PDZRN4: variants seen among roughly 807,000 people sequenced by gnomAD.
The protein encoded by PDZRN4 is PDZ domain containing ring finger 4.
Under a neutral mutation model 99.0 loss-of-function variants are expected in PDZRN4, and 70 were observed. The ratio of observed to expected loss-of-function variants is 0.71; its 90% CI spans 0.58 to 0.86. The LOEUF (loss-of-function observed/expected upper bound fraction) is 0.86. Ranked by LOEUF, PDZRN4 falls within the 40% of genes least tolerant of loss-of-function variation. The pLI is 0.00. For synonymous variants in PDZRN4, 551 were observed against 501.6 expected (o/e 1.10, Z -1.32); for missense variants, 1,474 against 1,331.2 (o/e 1.11, Z -1.67).
intron 3 of PDZRN4, among the ~76,000 whole-genome samples, chr12:41,466,090 C>G (rs898029403): frequency 6.6e-6 from 1 of 152,112 alleles, no homozygotes; most frequent in Non-Finnish European, 1.5e-5. Context: ...TAGCCAGGAT[C>G]TTTAATAAGC....
At chr12:41,389,958 A>G (rs141506071) in intron 3 of PDZRN4, among the ~76,000 whole-genome samples, 2 of 152,214 alleles carry the variant, frequency 1.3e-5, no homozygotes, top group Non-Finnish European at 2.9e-5. Context: ...GGATTTCAGT[A>G]GCCTCTTAGG....
intron 3 of PDZRN4, 23 bp downstream of exon 3, chr12:41,194,211 A>G (rs1233017320): frequency 4.0e-6 from 4 of 1,003,260 alleles, no homozygotes; most frequent in African/African-American, 1.6e-5. Flanking sequence ...TAAAACATGT[A>G]TATGATCCAT....
chr12:41,368,837 T>C (rs916520627), intron 3 of PDZRN4, among the ~76,000 whole-genome samples: 1 of 152,108 alleles, frequency 6.6e-6, no homozygotes, highest in Admixed American at 6.6e-5. Context: ...GGGATGGTGG[T>C]CAGTGGCTGC....
chr12:41,278,743 CACA>C (rs995068344), intron 3 of PDZRN4, among the ~76,000 whole-genome samples: 1 of 152,172 alleles, frequency 6.6e-6, no homozygotes, highest in Non-Finnish European at 1.5e-5. Context: ...AATGCTACAT[CACA>C]ACAACTGTTC....
At chr12:41,561,549 A>G (rs1033321123) in intron 7 of PDZRN4, among the ~76,000 whole-genome samples, 3 of 146,282 alleles carry the variant, frequency 2.1e-5, no homozygotes, top group Non-Finnish European at 4.5e-5. Flanking sequence ...ATTTAGATGA[A>G]GAATGAGGAA....
intron 3 of PDZRN4, among the ~76,000 whole-genome samples, chr12:41,489,816 A>C (rs1555146800): frequency 6.6e-6 from 1 of 152,138 alleles, no homozygotes; most frequent in Non-Finnish European, 1.5e-5. Context: ...AAGTTCAGCC[A>C]ATAGTTCTGG....
chr12:41,191,254 A>C (rs1402479031), intron 1 of PDZRN4, among the ~76,000 whole-genome samples: 2 of 152,202 alleles, frequency 1.3e-5, no homozygotes, highest in Non-Finnish European at 2.9e-5. Context: ...TTCCCCTCAC[A>C]TGCACAGTTG....
intron 3 of PDZRN4, among the ~76,000 whole-genome samples, chr12:41,264,264 T>C (rs1951262680): frequency 6.6e-6 from 1 of 152,202 alleles, no homozygotes; most frequent in Non-Finnish European, 1.5e-5. Context: ...TTTATGAAAG[T>C]AAACTTCAAC....
chr12:41,472,459 T>G (rs1431853443), intron 3 of PDZRN4, among the ~76,000 whole-genome samples: 1 of 152,252 alleles, frequency 6.6e-6, no homozygotes, highest in African/African-American at 2.4e-5. Flanking sequence ...TAAAAAGTAA[T>G]TAATTTTCTC....
chr12:41,347,915 T>C (rs1951866369), intron 3 of PDZRN4, among the ~76,000 whole-genome samples: 1 of 152,142 alleles, frequency 6.6e-6, no homozygotes, highest in African/African-American at 2.4e-5. Context: ...TATATAGTTA[T>C]GATCCTTTCC....
chr12:41,544,396 A>G (rs533062670), intron 5 of PDZRN4, among the ~76,000 whole-genome samples: 5 of 152,260 alleles, frequency 3.3e-5, no homozygotes, highest in African/African-American at 1.2e-4. Context: ...AAGCAATTAC[A>G]CTCTACACCC....
intron 3 of PDZRN4, among the ~76,000 whole-genome samples, chr12:41,325,572 A>G (rs909971573): frequency 2.6e-5 from 4 of 152,148 alleles, no homozygotes; most frequent in Non-Finnish European, 4.4e-5. Context: ...GTTGACAGCT[A>G]TGGGAAGCCA....
At chr12:41,340,852 C>T (rs924682728) in intron 3 of PDZRN4, among the ~76,000 whole-genome samples, 3 of 151,720 alleles carry the variant, frequency 2.0e-5, no homozygotes, top group African/African-American at 7.3e-5. Flanking sequence ...GACGGGGAAG[C>T]ACTTCAAAAC....
intron 3 of PDZRN4, among the ~76,000 whole-genome samples, chr12:41,498,685 T>G (rs1342514517): frequency 6.6e-6 from 1 of 152,104 alleles, no homozygotes; most frequent in Non-Finnish European, 1.5e-5. Flanking sequence ...CGTGTGAACT[T>G]TGAGGGACAC....
At chr12:41,491,026 C>T (rs1439567388) in intron 3 of PDZRN4, among the ~76,000 whole-genome samples, 1 of 152,134 alleles carries the variant, frequency 6.6e-6, no homozygotes, top group South Asian at 2.1e-4. Flanking sequence ...CACTACCAGG[C>T]TCTCTGAGGG....
chr12:41,513,568 G>A (rs1035532833), intron 5 of PDZRN4, among the ~76,000 whole-genome samples: 1 of 152,008 alleles, frequency 6.6e-6, no homozygotes, highest in Non-Finnish European at 1.5e-5. Context: ...AAGAGTCAGG[G>A]TGTTCCATGC....
At chr12:41,550,738 T>C (rs1006698855) in intron 5 of PDZRN4, among the ~76,000 whole-genome samples, 2 of 152,194 alleles carry the variant, frequency 1.3e-5, no homozygotes, top group African/African-American at 4.8e-5. Flanking sequence ...TATCTCAGAA[T>C]AGAGGATTTA....
At chr12:41,427,702 T>C (rs1207367672) in intron 3 of PDZRN4, among the ~76,000 whole-genome samples, 6 of 152,158 alleles carry the variant, frequency 3.9e-5, no homozygotes, top group Non-Finnish European at 5.9e-5. Flanking sequence ...ATGAGGACCA[T>C]TTTCATGATG....
chr12:41,458,279 T>C (rs772345261), intron 3 of PDZRN4, among the ~76,000 whole-genome samples: 5 of 152,154 alleles, frequency 3.3e-5, no homozygotes, highest in Non-Finnish European at 1.5e-5. Context: ...TGTCTCAGCC[T>C]CCTGAGTAGC....
Sources: gnomAD v4.1 joint callset for allele counts (sites outside exome capture counted in the v4.1 genomes callset) on GRCh38, gnomAD v4.1.1 for gene constraint, MANE v1.5 for transcripts, NCBI Gene and HGNC (gene_info 2026-07-23, HGNC 2026-07-21) for gene names.